CLASP1: variants seen among roughly 807,000 people sequenced by gnomAD.
The protein encoded by CLASP1 is CLIP-associating protein 1.
Under a neutral mutation model 192.3 loss-of-function variants are expected in CLASP1, and 38 were observed. The ratio of observed to expected loss-of-function variants is 0.20; its 90% CI spans 0.15 to 0.26. The LOEUF is 0.26. CLASP1 is among the 10% of genes least tolerant of loss of function. The pLI is 1.00. For missense variants in CLASP1, 1,433 were observed against 1,932.5 expected, an observed-to-expected ratio of 0.74 and a Z score of 4.85; for synonymous variants, 691 against 712.8, an observed-to-expected ratio of 0.97 and a Z score of 0.49.
At chr2:121,438,199 A>G (rs949356243) in intron 19 of CLASP1, among the ~76,000 whole-genome samples, 1 of 152,206 alleles carries the variant, frequency 6.6e-6, no homozygotes, top group African/African-American at 2.4e-5. Flanking sequence ...TGTTCCTGGC[A>G]GGCACCCTTG....
In CLASP1 at chr2:121,342,020, GA is replaced by G. The variant is rs368277937; in HGVS notation, c.4531-1074del. On this transcript the variant is annotated intron_variant, in intron 39 of 39. Transcript: ENST00000263710. The stretch of plus-strand genomic sequence containing the variant: ...AATAAATCAATAATAGAAGGAAAAC[GA>G]AAAAAAATCATAAATTTATAAAAAT... Among the ~76,000 whole-genome samples, 9 of 148,406 alleles carry G rather than the reference GA, an allele frequency of 6.1e-5. No individual in the cohort carries two copies. In the East Asian group the frequency reaches 9.8e-4, roughly 16 times the overall value.
intron 19 of CLASP1, among the ~76,000 whole-genome samples, chr2:121,438,199 A>T (rs949356243): frequency 6.6e-6 from 1 of 152,206 alleles, no homozygotes; most frequent in Admixed American, 6.5e-5. Context: ...TGTTCCTGGC[A>T]GGCACCCTTG....
At chr2:121,634,290 T>A (rs1385091845) in intron 1 of CLASP1, among the ~76,000 whole-genome samples, 27 of 152,226 alleles carry the variant, frequency 1.8e-4, no homozygotes, top group Admixed American at 1.7e-3. Flanking sequence ...ATGATTTTGA[T>A]CAAGTTACAC....
At chr2:121,443,260 C>T (rs1437450025) in intron 19 of CLASP1, among the ~76,000 whole-genome samples, 1 of 149,408 alleles carries the variant, frequency 6.7e-6, no homozygotes, top group Non-Finnish European at 1.5e-5. Context: ...TGACCTTACT[C>T]AGGACTGTGG....
At chr2:121,623,268 T>A (rs984422604) in intron 1 of CLASP1, among the ~76,000 whole-genome samples, 2 of 152,178 alleles carry the variant, frequency 1.3e-5, no homozygotes, top group African/African-American at 4.8e-5. Context: ...TTTAATCAAA[T>A]GTTTTTCCTG....
chr2:121,610,349 TGGA>T (rs1209512659), intron 1 of CLASP1, among the ~76,000 whole-genome samples: 6 of 57,650 alleles, frequency 1.0e-4, no homozygotes, highest in South Asian at 4.5e-4. Flanking sequence ...GAAGAGGAGC[TGGA>T]GGAGGAGGAA....
intron 8 of CLASP1, among the ~76,000 whole-genome samples, chr2:121,496,951 A>G (rs2093559620): frequency 6.6e-6 from 1 of 152,216 alleles, no homozygotes; most frequent in Non-Finnish European, 1.5e-5. Flanking sequence ...AGGCCATCAT[A>G]TTATATAAAA....
chr2:121,559,635 GA>G (rs200697884), intron 2 of CLASP1, among the ~76,000 whole-genome samples: 9 of 149,744 alleles, frequency 6.0e-5, no homozygotes, highest in East Asian at 1.9e-4. Flanking sequence ...AATAGAGACA[GA>G]AAAAAAAAAT....
chr2:121,411,027 T>C lies in CLASP1; in HGVS notation c.2321-58A>G, dbSNP rs534305430. 40 of 1,096,736 alleles carry C rather than the reference T, an allele frequency of 3.6e-5. No homozygotes were observed. The African/African-American group carries it at 5.6e-4, about 15-fold the overall frequency. 67.9% of individuals were successfully genotyped at this position (1,096,736 alleles called of 1,614,324 possible). A position where few individuals can be genotyped will look rare whatever the true frequency, so the allele number is the denominator to read the frequency against. On this transcript the variant is annotated intron_variant, in intron 23 of 39. Coordinates refer to ENST00000263710, the Ensembl canonical transcript of CLASP1. ...CTTTAATTCAAATTATTTCAATTCC[T>C]TGCAAGGACTACTGCCTCTTCCCAC...
intron 1 of CLASP1, among the ~76,000 whole-genome samples, chr2:121,606,717 G>A (rs2064464587): frequency 6.6e-6 from 1 of 152,154 alleles, no homozygotes; most frequent in Non-Finnish European, 1.5e-5. Context: ...TGGAGTAAGT[G>A]GTAGCCTCCA....
intron 33 of CLASP1, among the ~76,000 whole-genome samples, chr2:121,381,383 C>G (rs1041603427): frequency 4.6e-5 from 7 of 152,006 alleles, no homozygotes; most frequent in African/African-American, 1.7e-4. Context: ...ACAGTGACAG[C>G]TGGACTGCCC....
At chr2:121,364,720 CT>C in intron 36 of CLASP1, 1 of 230,372 alleles carries the variant, frequency 4.3e-6, no homozygotes, top group South Asian at 6.6e-5. Context: ...TAAAATGAAA[CT>C]TTTTCTCAAT....
intron 2 of CLASP1, among the ~76,000 whole-genome samples, chr2:121,547,750 C>T (rs1336872936): frequency 6.6e-6 from 1 of 152,090 alleles, no homozygotes; most frequent in Non-Finnish European, 1.5e-5. Flanking sequence ...CACAACCAAG[C>T]AAGAGTGTAC....
intron 19 of CLASP1, among the ~76,000 whole-genome samples, chr2:121,443,279 G>GAA (rs11449320): frequency 1.6e-4 from 22 of 137,266 alleles, no homozygotes; most frequent in South Asian, 6.9e-4. Context: ...GGAACTGGTG[G>GAA]AAAAAAAAAA....
At chr2:121,482,661 G>A (rs1038843480) in intron 8 of CLASP1, among the ~76,000 whole-genome samples, 1 of 152,094 alleles carries the variant, frequency 6.6e-6, no homozygotes, top group African/African-American at 2.4e-5. Context: ...CCTTCCTGCT[G>A]GAATAGCTAG....
chr2:121,606,412 T>C (rs1306428839), intron 1 of CLASP1, among the ~76,000 whole-genome samples: 1 of 152,304 alleles, frequency 6.6e-6, no homozygotes, highest in Admixed American at 6.5e-5. Context: ...AGTTGGCAGG[T>C]TGATGTTTTC....
At chr2:121,641,763 G>C (rs184657234) in intron 1 of CLASP1, among the ~76,000 whole-genome samples, 18 of 152,320 alleles carry the variant, frequency 1.2e-4, no homozygotes, top group African/African-American at 4.1e-4. Flanking sequence ...ATATTCACCA[G>C]AAGTTGGTAA....
chr2:121,572,245 G>A (rs937968351), intron 2 of CLASP1, among the ~76,000 whole-genome samples: 22 of 152,052 alleles, frequency 1.4e-4, no homozygotes, highest in Admixed American at 3.9e-4. Context: ...TGGCTAACAC[G>A]GTGAAACCCC....
At chr2:121,365,196 C>A (rs2067151126) in exon 36 of CLASP1, 1 of 1,613,814 alleles carries the variant, frequency 6.2e-7, no homozygotes, top group Non-Finnish European at 8.5e-7. Context: ...GCAGCTCCAG[C>A]AGGGCTCCCT....
Sources: allele counts gnomAD v4.1 joint callset (sites outside exome capture counted in the v4.1 genomes callset), GRCh38; gene constraint gnomAD v4.1.1; transcripts MANE v1.5; gene names NCBI Gene and HGNC (gene_info 2026-07-23, HGNC 2026-07-21).